The following EYA1 variants were observed in gnomAD, a reference collection of about 807,000 sequenced individuals.
EYA1 encodes the protein EYA transcriptional coactivator and phosphatase 1.
A neutral mutation model predicts 82.0 loss-of-function variants in EYA1; 16 were observed. The ratio of observed to expected loss-of-function variants is 0.20; its 90% CI spans 0.13 to 0.30. The LOEUF (loss-of-function observed/expected upper bound fraction) is 0.30, where lower values mean the gene tolerates loss of function less well. EYA1 is among the 10% of genes least tolerant of loss of function. The pLI, the probability that EYA1 is intolerant of heterozygous loss-of-function variation, is 1.00. For missense variants in EYA1, 633 were observed against 730.7 expected (o/e 0.87, Z 1.54); for synonymous variants, 261 against 264.4 (o/e 0.99, Z 0.12).
chr8:71,491,466 G>A (rs570143475), intron 2 of EYA1, among the ~76,000 whole-genome samples: 3 of 152,236 alleles, frequency 2.0e-5, no homozygotes, highest in African/African-American at 7.2e-5. Context: ...TACCTCAGCA[G>A]GTGACTGGAT....
At chr8:71,456,762 A>G (rs1391434196) in intron 2 of EYA1, among the ~76,000 whole-genome samples, 1 of 152,236 alleles carries the variant, frequency 6.6e-6, no homozygotes, top group Non-Finnish European at 1.5e-5. Context: ...AATTAATTCA[A>G]GATGGATTAA....
At chr8:71,313,608 C>T (rs756013520) in intron 7 of EYA1, among the ~76,000 whole-genome samples, 5 of 152,188 alleles carry the variant, frequency 3.3e-5, no homozygotes, top group Non-Finnish European at 7.3e-5. Context: ...TATCTCACAA[C>T]AGTATTGTGG....
intron 2 of EYA1, among the ~76,000 whole-genome samples, chr8:71,444,965 A>T (rs958432264): frequency 2.0e-5 from 3 of 152,230 alleles, no homozygotes; most frequent in Admixed American, 6.5e-5. Context: ...AATTCAAACC[A>T]TGTGTGAAAT....
chr8:71,366,824 G>T (rs1827783884), upstream of EYA1, among the ~76,000 whole-genome samples: 1 of 152,092 alleles, frequency 6.6e-6, no homozygotes. Context: ...GGAGCAATGG[G>T]ACATTAATGT....
chr8:71,471,934 T>C (rs1586784021), intron 2 of EYA1, among the ~76,000 whole-genome samples: 1 of 152,064 alleles, frequency 6.6e-6, no homozygotes, highest in Non-Finnish European at 1.5e-5. Context: ...AAAATCACTG[T>C]TTGTATGCTT....
intron 2 of EYA1, among the ~76,000 whole-genome samples, chr8:71,425,302 GA>G (rs1239418433): frequency 1.4e-5 from 2 of 145,144 alleles, no homozygotes; most frequent in East Asian, 3.9e-4. Flanking sequence ...AAAAAAAAAA[GA>G]AAATGCACAC....
At chr8:71,528,971 G>A (rs1404883857) in intron 2 of EYA1, among the ~76,000 whole-genome samples, 3 of 152,148 alleles carry the variant, frequency 2.0e-5, no homozygotes, top group African/African-American at 7.2e-5. Flanking sequence ...GCTAGTGGCT[G>A]TATATACTGC....
intron 3 of EYA1, among the ~76,000 whole-genome samples, chr8:71,353,198 G>A (rs1299817027): frequency 1.3e-5 from 2 of 152,192 alleles, no homozygotes; most frequent in Non-Finnish European, 2.9e-5. Context: ...CCCTCACGCT[G>A]ACTCCTGCAT....
At chr8:71,410,609 T>C (rs1319014147) in intron 2 of EYA1, among the ~76,000 whole-genome samples, 2 of 107,176 alleles carry the variant, frequency 1.9e-5, no homozygotes, top group African/African-American at 7.4e-5. Context: ...AGCCAAATCA[T>C]GAGTGAACTC....
At chr8:71,252,092 T>G (rs1813816850) in intron 11 of EYA1, among the ~76,000 whole-genome samples, 1 of 152,050 alleles carries the variant, frequency 6.6e-6, no homozygotes, top group Non-Finnish European at 1.5e-5. Flanking sequence ...CTTGGGGCCC[T>G]GCTTTGTTTC....
chr8:71,413,163 C>G (rs1830695418), intron 2 of EYA1, among the ~76,000 whole-genome samples: 1 of 152,140 alleles, frequency 6.6e-6, no homozygotes, highest in Non-Finnish European at 1.5e-5. Context: ...TCAAAGATGA[C>G]CAAAAGTCCA....
chr8:71,496,590 G>A (rs902439633), intron 2 of EYA1, among the ~76,000 whole-genome samples: 7 of 152,106 alleles, frequency 4.6e-5, no homozygotes, highest in African/African-American at 1.4e-4. Flanking sequence ...CCCACAGAGC[G>A]AATATACCAG....
chr8:71,356,549 C>A (rs1243352117), intron 1 of EYA1, 38 bp from the exon 2 acceptor site: 1 of 1,550,028 alleles, frequency 6.5e-7, no homozygotes, highest in African/African-American at 1.4e-5. Context: ...GATGTTGTTA[C>A]TCTGCTTCAG....
chr8:71,452,122 A>C (rs1807433855), intron 2 of EYA1, among the ~76,000 whole-genome samples: 1 of 152,218 alleles, frequency 6.6e-6, no homozygotes, highest in Non-Finnish European at 1.5e-5. Context: ...AGGAGATTAT[A>C]TCCCACGCAT....
chr8:71,280,775 G>T (rs1000387179), intron 9 of EYA1, among the ~76,000 whole-genome samples: 2 of 152,012 alleles, frequency 1.3e-5, no homozygotes, highest in Admixed American at 6.5e-5. Flanking sequence ...TGGAGACAGG[G>T]TCTCACTCTG....
chr8:71,447,331 C>A (rs111972971), intron 2 of EYA1, among the ~76,000 whole-genome samples: 57 of 152,116 alleles, frequency 3.7e-4, no homozygotes, highest in African/African-American at 1.4e-3. Flanking sequence ...GTAAAGTCTG[C>A]AAAAGGCCAG....
At chr8:71,381,444 C>G (rs906521242) in intron 2 of EYA1, among the ~76,000 whole-genome samples, 4 of 152,102 alleles carry the variant, frequency 2.6e-5, no homozygotes, top group African/African-American at 9.7e-5. Context: ...AGATGAAACG[C>G]CGGTGGAAGA....
At chr8:71,484,449 G>C (rs1478391663) in intron 2 of EYA1, among the ~76,000 whole-genome samples, 2 of 152,156 alleles carry the variant, frequency 1.3e-5, no homozygotes, top group African/African-American at 2.4e-5. Flanking sequence ...CAATGGGCTG[G>C]CTGTAATGGC....
chr8:71,241,688 A>G (rs1220594593), intron 12 of EYA1, among the ~76,000 whole-genome samples: 2 of 152,192 alleles, frequency 1.3e-5, no homozygotes, highest in East Asian at 3.8e-4. Flanking sequence ...TAACTTAAAT[A>G]TATTAAAATA....
Sources: allele counts gnomAD v4.1 joint callset (sites outside exome capture counted in the v4.1 genomes callset), GRCh38; gene constraint gnomAD v4.1.1; transcripts MANE v1.5; gene names NCBI Gene and HGNC (gene_info 2026-07-23, HGNC 2026-07-21).